The following JARID2 variants were observed in gnomAD, a reference collection of about 807,000 sequenced individuals.
The protein encoded by JARID2 is jumonji and AT-rich interaction domain containing 2.
Under a neutral mutation model 125.6 loss-of-function variants are expected in JARID2, and 21 were observed. The ratio of observed to expected loss-of-function variants is 0.17; its 90% CI spans 0.12 to 0.24. The LOEUF (loss-of-function observed/expected upper bound fraction) is 0.24, where lower values mean the gene tolerates loss of function less well. Among genes scored for constraint, JARID2 ranks in the 10% least tolerant of loss-of-function variants. The pLI, the probability that JARID2 is intolerant of heterozygous loss-of-function variation, is 1.00. For synonymous variants in JARID2, 736 were observed against 661.6 expected, an observed-to-expected ratio of 1.11 and a Z score of -1.73; for missense variants, 1,303 against 1,639.6, an observed-to-expected ratio of 0.79 and a Z score of 3.55.
intron 1 of JARID2, among the ~76,000 whole-genome samples, chr6:15,319,393 G>A (rs538395482): frequency 1.8e-4 from 28 of 152,086 alleles, no homozygotes; most frequent in Non-Finnish European, 3.4e-4. Context: ...TTTCTGTGTT[G>A]CTTTTTTCTT....
intron 4 of JARID2, among the ~76,000 whole-genome samples, chr6:15,467,617 G>A (rs536919406): frequency 9.2e-5 from 14 of 152,026 alleles, no homozygotes; most frequent in African/African-American, 3.4e-4. Context: ...CAAGGCAGGA[G>A]GATTGCTTGA....
At chr6:15,478,333 G>T (rs954930483) in intron 5 of JARID2, among the ~76,000 whole-genome samples, 2 of 152,154 alleles carry the variant, frequency 1.3e-5, no homozygotes, top group Non-Finnish European at 2.9e-5. Context: ...GACTCGCAAT[G>T]CTGCTTGGGG....
chr6:15,496,068 G>A lies in JARID2; in HGVS notation c.907-64G>A, dbSNP rs1457603144. 2.6e-5 allele frequency: 36 copies of A among 1,388,662 alleles called. No individual in the cohort carries two copies. The Admixed American group carries it at 2.7e-4, about 10-fold the overall frequency. The allele number at this position is 1,388,662 out of a possible 1,614,324, so 86.0% of individuals were successfully genotyped here. On this transcript the variant is annotated intron_variant, in intron 6 of 17. Transcript: ENST00000341776. Reference sequence around the variant, plus strand: ...CAGGGTCCTTTCTCACGGGTGGGCCGGTCATTTTAGTGGCAGGTACTAATT... The same window carrying A: ...CAGGGTCCTTTCTCACGGGTGGGCCAGTCATTTTAGTGGCAGGTACTAATT...
chr6:15,257,902 A>T (rs937117065), intron 1 of JARID2, among the ~76,000 whole-genome samples: 2 of 152,216 alleles, frequency 1.3e-5, no homozygotes, highest in Non-Finnish European at 2.9e-5. Context: ...GCACTTTGTA[A>T]AACAAAATTG....
chr6:15,421,248 T>C (rs997231065), intron 3 of JARID2, among the ~76,000 whole-genome samples: 3 of 152,174 alleles, frequency 2.0e-5, no homozygotes, highest in African/African-American at 7.2e-5. Flanking sequence ...TGTGGATTTT[T>C]AGTTCTTTCA....
At chr6:15,400,797 C>G (rs2127554909) in intron 2 of JARID2, 1 of 985,294 alleles carries the variant, frequency 1.0e-6, no homozygotes, top group Non-Finnish European at 1.2e-6. Flanking sequence ...TCTGGCCGTC[C>G]TATTGCCGCG....
At chr6:15,404,519 GCACACACACACACACACA>G (rs3138770) in intron 2 of JARID2, among the ~76,000 whole-genome samples, 17,873 of 138,284 alleles carry the variant, frequency 0.13, 1,327 homozygotes, top group East Asian at 0.22. Context: ...ATCTTAAAGT[GCACACACACACACACACA>G]CACACACACA....
chr6:15,459,439 G>T (rs368344864), intron 4 of JARID2, among the ~76,000 whole-genome samples: 2 of 151,070 alleles, frequency 1.3e-5, no homozygotes, highest in Non-Finnish European at 3.0e-5. Flanking sequence ...AAAAGAGTCT[G>T]TATGTGTTCA....
intron 1 of JARID2, among the ~76,000 whole-genome samples, chr6:15,330,872 TA>T (rs1762683894): frequency 6.6e-6 from 1 of 152,220 alleles, no homozygotes; most frequent in Non-Finnish European, 1.5e-5. Flanking sequence ...GGAGACAGAA[TA>T]CTTCAAAGTA....
At chr6:15,281,135 T>G (rs1388721722) in intron 1 of JARID2, among the ~76,000 whole-genome samples, 1 of 152,164 alleles carries the variant, frequency 6.6e-6, no homozygotes, top group Non-Finnish European at 1.5e-5. Flanking sequence ...TTGGTGTGTA[T>G]AAGCGTGGGA....
chr6:15,489,977 C>CTT (rs1443923388), intron 6 of JARID2, among the ~76,000 whole-genome samples: 3 of 152,224 alleles, frequency 2.0e-5, no homozygotes, highest in Non-Finnish European at 4.4e-5. Context: ...TTCAATGAGA[C>CTT]TTGAGATGTG....
chr6:15,418,354 A>G (rs986864484), intron 3 of JARID2, among the ~76,000 whole-genome samples: 7 of 150,944 alleles, frequency 4.6e-5, no homozygotes, highest in African/African-American at 1.7e-4. Context: ...AGTAGCTGGG[A>G]CTACAGGTGC....
intron 1 of JARID2, among the ~76,000 whole-genome samples, chr6:15,280,629 CTT>C (rs11427786): frequency 0.15 from 20,715 of 136,486 alleles, 1,459 homozygotes; most frequent in East Asian, 0.26. Flanking sequence ...CCACACCCTG[CTT>C]TTTTTTTTTT....
At chr6:15,435,201 T>A (rs1005123337) in intron 3 of JARID2, among the ~76,000 whole-genome samples, 1 of 152,202 alleles carries the variant, frequency 6.6e-6, no homozygotes, top group Non-Finnish European at 1.5e-5. Flanking sequence ...AAAAGTTGTT[T>A]GAGGGGGAAT....
rs531588641 is a variant in JARID2 at position 15,433,472 on chromosome 6, C to T, written c.324-18534C>T. ...TGTGTATAATTTCAGTTTAGGCAGT[C>T]GCTTAGGTGGCGTGCATCCTACCTA... On this transcript the variant is annotated intron_variant, in intron 3 of 17. Coordinates refer to ENST00000341776, the MANE Select transcript of JARID2 (RefSeq NM_004973.4). Among the ~76,000 whole-genome samples, 898 of 146,270 alleles carry T rather than the reference C, an allele frequency of 6.1e-3. 5 individuals are homozygous for T. Among genetic ancestry groups the T allele is most frequent in the African/African-American group, 0.021 (821 of 39,674 alleles).
chr6:15,374,380 AG>A (rs1764275363), intron 2 of JARID2, 128 bp downstream of exon 2: 6 of 913,454 alleles, frequency 6.6e-6, no homozygotes, highest in Non-Finnish European at 1.0e-5. Context: ...TCTGTAGGCT[AG>A]GTGAATCTGC....
chr6:15,480,539 G>T (rs927454096), intron 5 of JARID2, among the ~76,000 whole-genome samples: 1 of 152,290 alleles, frequency 6.6e-6, no homozygotes, highest in South Asian at 2.1e-4. Flanking sequence ...GGTTCTGGGA[G>T]GCGCTTGGAG....
chr6:15,275,525 C>T (rs1277019944), intron 1 of JARID2, among the ~76,000 whole-genome samples: 11 of 9,892 alleles, frequency 1.1e-3, no homozygotes, highest in South Asian at 6.8e-3. Flanking sequence ...CCATTTACCG[C>T]CCCCCCCGCC....
At chr6:15,405,941 G>A (rs1765630893) in intron 2 of JARID2, among the ~76,000 whole-genome samples, 1 of 152,172 alleles carries the variant, frequency 6.6e-6, no homozygotes. Context: ...AAATGTGGTA[G>A]CCAGTACAGT....
Sources: gnomAD v4.1 joint callset for allele counts (sites outside exome capture counted in the v4.1 genomes callset) on GRCh38, gnomAD v4.1.1 for gene constraint, MANE v1.5 for transcripts, NCBI Gene and HGNC (gene_info 2026-07-23, HGNC 2026-07-21) for gene names.